Variants in JAZF1 observed in about 807,000 individuals in gnomAD.
JAZF1 encodes the protein JAZF zinc finger 1, also known as juxtaposed with another zinc finger protein 1.
A neutral mutation model predicts 26.4 loss-of-function variants in JAZF1; 8 were observed. The observed-to-expected ratio is 0.30, with a 90% confidence interval of 0.18 to 0.55. The LOEUF is 0.55. Among genes scored for constraint, JAZF1 ranks in the 20% least tolerant of loss-of-function variants. JAZF1 has a pLI of 0.94. For missense variants in JAZF1, 199 were observed against 322.0 expected (o/e 0.62, Z 2.92); for synonymous variants, 126 against 122.3 (o/e 1.03, Z -0.20).
Position 28,160,121 on chromosome 7 carries a change from T to C in JAZF1, c.115+20342A>G, listed in dbSNP as rs1783258733. Among the ~76,000 whole-genome samples the C allele has an allele frequency of 5.3e-5, 8 of 152,050 alleles. No homozygotes were observed. The South Asian group carries it at 1.7e-3, about 32-fold the overall frequency. ...CTAAGTGTAAAGCACAGATTACATA[T>C]AGGACATCAACAGATGCACAGTTTA... On this transcript the variant is annotated intron_variant, in intron 1 of 4. Transcript: ENST00000283928.
At chr7:28,119,680 G>A (rs1241350540) in intron 1 of JAZF1, among the ~76,000 whole-genome samples, 1 of 152,062 alleles carries the variant, frequency 6.6e-6, no homozygotes, top group African/African-American at 2.4e-5. Flanking sequence ...AACCTTCCAT[G>A]CTTCCCCCTA....
chr7:28,009,357 T>C (rs954458217), intron 1 of JAZF1, among the ~76,000 whole-genome samples: 3 of 152,202 alleles, frequency 2.0e-5, no homozygotes, highest in African/African-American at 7.2e-5. Flanking sequence ...TACAGTATTT[T>C]TGATGCAACT....
intron 1 of JAZF1, among the ~76,000 whole-genome samples, chr7:28,169,590 C>T (rs1783421318): frequency 1.3e-5 from 2 of 152,100 alleles, no homozygotes; most frequent in South Asian, 4.1e-4. Context: ...ACAAGAGAGG[C>T]CTAGAAAAAG....
chr7:27,997,129 G>A (rs1786033035), intron 1 of JAZF1, among the ~76,000 whole-genome samples: 1 of 152,160 alleles, frequency 6.6e-6, no homozygotes, highest in African/African-American at 2.4e-5. Flanking sequence ...TCAAGTACCT[G>A]CAGTGGGGGA....
intron 1 of JAZF1, among the ~76,000 whole-genome samples, chr7:28,005,343 T>C (rs536027143): frequency 2.6e-5 from 4 of 151,944 alleles, no homozygotes; most frequent in African/African-American, 9.7e-5. Context: ...CGGAAGCCAG[T>C]TTTGTCAAGG....
At chr7:27,845,711 A>AAAAAAAAAAAG (rs1554328474) in intron 3 of JAZF1, among the ~76,000 whole-genome samples, 27 of 137,698 alleles carry the variant, frequency 2.0e-4, no homozygotes, top group African/African-American at 3.1e-4. Flanking sequence ...AAAAAAAAAA[A>AAAAAAAAAAAG]AAAGAAAAGA....
In JAZF1 at chr7:27,840,963, A is replaced by G. The variant is rs1782911572; in HGVS notation, c.386-96T>C. 6 of 1,349,084 alleles carry G rather than the reference A, an allele frequency of 4.4e-6. No homozygotes were observed. Among genetic ancestry groups the G allele is most frequent in the Non-Finnish European group, 6.2e-6 (6 of 973,136 alleles). The allele number at this position is 1,349,084 out of a possible 1,614,324, so 83.6% of individuals were successfully genotyped here. ...AGGACAGGAGATGTGGCCGTGGCAG[A>G]GCAGCGCTGACGGCCCAGGGAGAGG... On this transcript the variant is annotated intron_variant, in intron 3 of 4. Coordinates refer to ENST00000283928, the MANE Select transcript of JAZF1 (RefSeq NM_175061.4). This position sits in a 1 kb window ranked among gnomAD's most constrained non-coding sequence, Gnocchi z 5.1.
intron 1 of JAZF1, among the ~76,000 whole-genome samples, chr7:27,997,224 A>G (rs28622946): frequency 0.043 from 6,564 of 152,134 alleles, 460 homozygotes; most frequent in African/African-American, 0.15. Flanking sequence ...AAGGCAAGTG[A>G]GGGAAGGTTC....
At position 28,157,672 on chromosome 7, in the gene JAZF1, T is replaced by C. The variant is rs146297238; in HGVS notation, c.115+22791A>G. On this transcript the variant is annotated intron_variant, in intron 1 of 4. Transcript: ENST00000283928. ...AGACAGCTTCGTGGAGGAGACATAC[T>C]ATCCACCCTGAACCACAGTCTACTT... Among the ~76,000 whole-genome samples the C allele has an allele frequency of 4.9e-3, 752 of 152,262 alleles. 7 individuals carry two copies. The highest frequency in any genetic ancestry group is 0.017 in the African/African-American group (723 of 41,544).
chr7:28,100,824 T>C (rs1784460872), intron 1 of JAZF1, among the ~76,000 whole-genome samples: 1 of 152,046 alleles, frequency 6.6e-6, no homozygotes, highest in Non-Finnish European at 1.5e-5. Flanking sequence ...ACCAAGTCTG[T>C]GGTAGGTGGT....
At chr7:28,094,469 A>G (rs1044494131) in intron 1 of JAZF1, among the ~76,000 whole-genome samples, 2 of 152,212 alleles carry the variant, frequency 1.3e-5, no homozygotes, top group Non-Finnish European at 2.9e-5. Flanking sequence ...GTAGCACGAA[A>G]AGCCTGGAGA....
chr7:28,120,228 A>G lies in JAZF1; in HGVS notation c.115+60235T>C, dbSNP rs182117639. Among the ~76,000 whole-genome samples, 6 of 151,632 alleles carry G rather than the reference A, an allele frequency of 4.0e-5. No individual in the cohort carries two copies. In the East Asian group the frequency reaches 1.2e-3, roughly 29 times the overall value. On this transcript the variant is annotated intron_variant, in intron 1 of 4. Transcript: ENST00000283928. Reference sequence around the variant, plus strand: ...GGGTTTAATGAAACTCCCTAATTAGAGTAAAGGTCTTAGAGGATTGGCTGC... The same window carrying G: ...GGGTTTAATGAAACTCCCTAATTAGGGTAAAGGTCTTAGAGGATTGGCTGC...
chr7:28,064,990 C>T (rs1390025325), intron 1 of JAZF1, among the ~76,000 whole-genome samples: 3 of 152,186 alleles, frequency 2.0e-5, no homozygotes, highest in South Asian at 4.1e-4. Context: ...TGAGTCCAAA[C>T]TCACTCAAGC....
At chr7:27,978,995 T>C (rs1313710580) in intron 2 of JAZF1, among the ~76,000 whole-genome samples, 1 of 152,082 alleles carries the variant, frequency 6.6e-6, no homozygotes, top group African/African-American at 2.4e-5. Context: ...TACTGTTCTA[T>C]GAAACAGATT....
intron 1 of JAZF1, among the ~76,000 whole-genome samples, chr7:28,053,862 C>T (rs1351540582): frequency 6.6e-6 from 1 of 152,172 alleles, no homozygotes; most frequent in African/African-American, 2.4e-5. Context: ...TCCATCCTCA[C>T]CTTTCCCACC....
chr7:27,878,708 T>C (rs1231941140), intron 3 of JAZF1, among the ~76,000 whole-genome samples: 3 of 152,194 alleles, frequency 2.0e-5, no homozygotes, highest in African/African-American at 4.8e-5. Flanking sequence ...ACTTCCATAA[T>C]GAAGCCATTG....
At chr7:28,175,920 C>T (rs1335307112) in intron 1 of JAZF1, among the ~76,000 whole-genome samples, 1 of 152,174 alleles carries the variant, frequency 6.6e-6, no homozygotes, top group Non-Finnish European at 1.5e-5. Context: ...CTGTGATGCT[C>T]CTTTGAGAAG....
chr7:27,951,717 G>A lies in JAZF1; in HGVS notation c.188+40192C>T, dbSNP rs549923681. Among the ~76,000 whole-genome samples, 45 of 152,260 alleles carry A rather than the reference G, an allele frequency of 3.0e-4. No individual in the cohort carries two copies. In the Middle Eastern group the frequency reaches 0.02, roughly 69 times the overall value. ...CAATTAAGAAGGAGAACACAGCATT[G>A]GTCCCACACTATTGGAACAAGACAA... On this transcript the variant is annotated intron_variant, in intron 2 of 4. Coordinates refer to ENST00000283928, the MANE Select transcript of JAZF1 (RefSeq NM_175061.4).
intron 1 of JAZF1, among the ~76,000 whole-genome samples, chr7:28,112,690 C>T (rs1784681229): frequency 6.6e-6 from 1 of 152,080 alleles, no homozygotes; most frequent in African/African-American, 2.4e-5. Flanking sequence ...TCATCTGTCT[C>T]AAACAAGAAT....
Sources: gnomAD v4.1 joint callset for allele counts (sites outside exome capture counted in the v4.1 genomes callset) on GRCh38, gnomAD v4.1.1 for gene constraint, Gnocchi (gnomAD v3.1) non-coding constraint, MANE v1.5 for transcripts, NCBI Gene and HGNC (gene_info 2026-07-23, HGNC 2026-07-21) for gene names.